The following RTN4 variants were observed in gnomAD, a reference collection of about 807,000 sequenced individuals.
RTN4 encodes the protein reticulon-4.
A neutral mutation model predicts 90.4 loss-of-function variants in RTN4; 32 were observed. The observed-to-expected ratio is 0.35, with a 90% confidence interval of 0.27 to 0.48. RTN4 has a LOEUF of 0.48. Among genes scored for constraint, RTN4 ranks in the 20% least tolerant of loss-of-function variants. The pLI is 0.99. For missense variants in RTN4, 1,706 were observed against 1,430.2 expected (o/e 1.19, Z -3.11); for synonymous variants, 629 against 552.5 (o/e 1.14, Z -1.94).
the RTN4 span, among the ~76,000 whole-genome samples, chr2:55,120,372 A>G: frequency 6.6e-6 from 1 of 152,154 alleles, no homozygotes; most frequent in African/African-American, 2.4e-5. Context: ...GCACCCTGGC[A>G]GGCTCAGGGA....
At chr2:55,032,438 AAGAC>A (rs1308747402) in intron 1 of RTN4, among the ~76,000 whole-genome samples, 1 of 152,182 alleles carries the variant, frequency 6.6e-6, no homozygotes, top group Non-Finnish European at 1.5e-5. Flanking sequence ...AGTACAGAAA[AAGAC>A]AGACATATAG....
In RTN4 at chr2:54,995,035, A is replaced by G. The variant is rs181191208; in HGVS notation, c.3014-7337T>C. Among the ~76,000 whole-genome samples the G allele has an allele frequency of 2.0e-5, 3 of 152,278 alleles. No individual in the cohort carries two copies. In the East Asian group the frequency reaches 5.8e-4, roughly 29 times the overall value. ...CAAGGCAGGCAGATCACCTGAGGTC[A>G]CGAGTTTGAGCCTGGTCAACATGGT... is the stretch of plus-strand genomic sequence containing the variant. On this transcript the variant is annotated intron_variant, in intron 3 of 8. Coordinates refer to ENST00000337526, the MANE Select transcript of RTN4 (RefSeq NM_020532.5).
At chr2:55,089,997 AG>A (rs775469492) in intron 1 of RTN4, among the ~76,000 whole-genome samples, 2 of 152,256 alleles carry the variant, frequency 1.3e-5, no homozygotes, top group African/African-American at 2.4e-5. Flanking sequence ...GAATTGTTAA[AG>A]TTGAGAAAGG....
At chr2:55,127,534 G>A in the RTN4 span, among the ~76,000 whole-genome samples, 2 of 152,250 alleles carry the variant, frequency 1.3e-5, no homozygotes, top group East Asian at 1.9e-4. Context: ...GTCCCCAAAC[G>A]CTAAGTCCAT....
At chr2:55,017,248 T>G (rs753234922) in intron 3 of RTN4, among the ~76,000 whole-genome samples, 1 of 152,158 alleles carries the variant, frequency 6.6e-6, no homozygotes, top group Admixed American at 6.5e-5. Flanking sequence ...CTACAGTACT[T>G]CAGTAAAAAA....
chr2:54,999,599 G>A (rs1034724547), intron 3 of RTN4, among the ~76,000 whole-genome samples: 28 of 152,104 alleles, frequency 1.8e-4, no homozygotes, highest in African/African-American at 6.5e-4. Flanking sequence ...TGAGGAATGA[G>A]AATGGCAGTT....
intron 5 of RTN4, among the ~76,000 whole-genome samples, chr2:54,980,636 G>C (rs1467928693): frequency 1.3e-5 from 2 of 152,090 alleles, no homozygotes; most frequent in South Asian, 4.1e-4. Context: ...AAAACAACAA[G>C]CATCTCTCCT....
rs112610709 is a variant in RTN4, at chr2:55,090,357, C to T, written c.-213-9718G>A. On this transcript the variant is annotated intron_variant, in intron 1 of 3. Coordinates refer to the RTN4 transcript ENST00000427710. ...CCTTCACACTATTTCCAAACACACA[C>T]GCTCACATCTGCTTCCAGCAAATCT... is the stretch of plus-strand genomic sequence containing the variant. Among the ~76,000 whole-genome samples the T allele has an allele frequency of 3.7e-4, 56 of 152,342 alleles. 1 individual carries two copies. Among genetic ancestry groups the T allele is most frequent in the African/African-American group, 1.1e-3 (45 of 41,588 alleles).
chr2:54,981,691 G>A (rs1322432451), intron 5 of RTN4, among the ~76,000 whole-genome samples: 1 of 152,128 alleles, frequency 6.6e-6, no homozygotes, highest in Non-Finnish European at 1.5e-5. Flanking sequence ...TGCTTATGTA[G>A]CGAGATCCAA....
chr2:55,117,450 G>A (rs1668145309), upstream of RTN4, among the ~76,000 whole-genome samples: 1 of 152,182 alleles, frequency 6.6e-6, no homozygotes, highest in Admixed American at 6.5e-5. Flanking sequence ...TCCCAATCCT[G>A]ACTCGGCAGC....
At chr2:55,059,069 G>A (rs912071012) in intron 2 of RTN4, among the ~76,000 whole-genome samples, 2 of 151,970 alleles carry the variant, frequency 1.3e-5, no homozygotes. Context: ...GAAAACTTGG[G>A]TTCTAATTCC....
At chr2:55,110,288 G>T (rs1387229258) in intron 1 of RTN4, among the ~76,000 whole-genome samples, 6 of 148,694 alleles carry the variant, frequency 4.0e-5, no homozygotes, top group Non-Finnish European at 8.9e-5. Context: ...TCCAGCCTAG[G>T]TGACAGAGGG....
chr2:55,101,424 C>G (rs535322915), intron 1 of RTN4, among the ~76,000 whole-genome samples: 1 of 152,046 alleles, frequency 6.6e-6, no homozygotes, highest in African/African-American at 2.4e-5. Flanking sequence ...TTCTATAATA[C>G]TAATAAGTTT....
intron 3 of RTN4, 129 bp from the exon 4 acceptor site, chr2:54,987,827 T>G: frequency 1.4e-6 from 1 of 715,416 alleles, no homozygotes; most frequent in Non-Finnish European, 2.3e-6. Flanking sequence ...AACACTAAGT[T>G]AAAGAAACAC....
intron 3 of RTN4, among the ~76,000 whole-genome samples, chr2:55,009,597 G>C (rs558779826): frequency 2.0e-4 from 31 of 152,282 alleles, no homozygotes; most frequent in African/African-American, 7.5e-4. Flanking sequence ...CTGATTAAAA[G>C]AAAGTTGGTA....
chr2:55,131,160 C>G, the RTN4 span, among the ~76,000 whole-genome samples: 7 of 151,968 alleles, frequency 4.6e-5, no homozygotes, highest in African/African-American at 1.5e-4. Context: ...TCACTACAAC[C>G]TCCACCTCTT....
intron 3 of RTN4, among the ~76,000 whole-genome samples, chr2:55,018,088 T>C (rs1681173109): frequency 6.6e-6 from 1 of 152,236 alleles, no homozygotes. Flanking sequence ...TATTACATAA[T>C]TTACCAGGTA....
At chr2:55,085,315 C>A (rs764413205) in intron 1 of RTN4, among the ~76,000 whole-genome samples, 22 of 144,780 alleles carry the variant, frequency 1.5e-4, no homozygotes, top group African/African-American at 2.7e-4. Context: ...ACATATACAC[C>A]CACACACACA....
At chr2:55,046,590 C>G (rs1443659496) in intron 1 of RTN4, among the ~76,000 whole-genome samples, 2 of 152,202 alleles carry the variant, frequency 1.3e-5, no homozygotes, top group Non-Finnish European at 2.9e-5. Context: ...CATAACACCA[C>G]TATTCTGGGT....
Sources: allele counts gnomAD v4.1 joint callset (sites outside exome capture counted in the v4.1 genomes callset), GRCh38; gene constraint gnomAD v4.1.1; transcripts MANE v1.5; gene names NCBI Gene and HGNC (gene_info 2026-07-23, HGNC 2026-07-21).